SBNO1: variants seen among roughly 807,000 people sequenced by gnomAD.
SBNO1 encodes protein strawberry notch homolog 1.
Under a neutral mutation model 173.6 loss-of-function variants are expected in SBNO1, and 23 were observed. That is an observed-to-expected ratio of 0.13 (90% confidence interval 0.10 to 0.19). The LOEUF is 0.19. Among genes scored for constraint, SBNO1 ranks in the 10% least tolerant of loss-of-function variants. SBNO1 has a pLI of 1.00. For synonymous variants in SBNO1, 632 were observed against 571.5 expected, an observed-to-expected ratio of 1.11 and a Z score of -1.51; for missense variants, 1,238 against 1,671.2, an observed-to-expected ratio of 0.74 and a Z score of 4.52.
At chr12:123,325,824 C>A (rs181830119) in intron 14 of SBNO1, among the ~76,000 whole-genome samples, 1 of 152,120 alleles carries the variant, frequency 6.6e-6, no homozygotes. Flanking sequence ...ATGAGTGAAG[C>A]CCCTGCCCTT....
chr12:123,327,292 C>G (rs1870722264), intron 13 of SBNO1, 134 bp downstream of exon 13: 9 of 746,284 alleles, frequency 1.2e-5, no homozygotes, highest in Non-Finnish European at 2.0e-5. Context: ...GCATGAGACA[C>G]CGTGCCTGGC....
At chr12:123,343,534 C>T (rs1413765719) in intron 4 of SBNO1, among the ~76,000 whole-genome samples, 6 of 149,948 alleles carry the variant, frequency 4.0e-5, no homozygotes, top group African/African-American at 7.3e-5. Flanking sequence ...ATTCACTTAC[C>T]ATCTTTTTTT....
chr12:123,327,856 C>A (rs1469692464), intron 11 of SBNO1, 36 bp downstream of exon 11: 1 of 1,586,770 alleles, frequency 6.3e-7, no homozygotes. Flanking sequence ...GAAAAAATAA[C>A]CTACAATATA....
intron 1 of SBNO1, chr12:123,363,986 CG>C: frequency 1.0e-6 from 1 of 985,498 alleles, no homozygotes. Flanking sequence ...TCTGGATGCT[CG>C]TTATGCCAAA....
rs1439403663 is a variant in SBNO1, at chr12:123,345,386, T to C, written c.422A>G (p.Asn141Ser). The change falls in exon 4 of 32, where the codon AAT becomes AGT. Residue 141 changes from asparagine to serine, a missense_variant. This residue lies in a region of SBNO1 where 287 missense variants were observed against 274.1 expected (regional missense o/e 1.05). Coordinates refer to ENST00000602398, the MANE Select transcript of SBNO1 (RefSeq NM_001167856.3). ...RPSVSAPTVR[N>S]AMTSAPSKDQ... The stretch of plus-strand genomic sequence containing the variant: ...TTTTGAAGGTGCAGAGGTCATGGCA[T>C]TTCGTACTGTTGGTGCTGAGACTGA... The C allele has an allele frequency of 8.1e-6, 13 of 1,614,226 alleles. No homozygotes were observed. The highest frequency in any genetic ancestry group is 1.7e-5 in the Admixed American group (1 of 60,018).
chr12:123,338,073 G>C (rs1416870787), intron 5 of SBNO1, among the ~76,000 whole-genome samples: 2 of 152,130 alleles, frequency 1.3e-5, no homozygotes, highest in African/African-American at 2.4e-5. Flanking sequence ...CACGGTACCT[G>C]GGAAATGTTT....
chr12:123,329,861 G>GT (rs1871011732), intron 9 of SBNO1, among the ~76,000 whole-genome samples: 1 of 152,178 alleles, frequency 6.6e-6, no homozygotes, highest in Admixed American at 6.5e-5. Context: ...TGCATGCATA[G>GT]TAAGTCAATA....
At chr12:123,318,085 C>T (rs1869501881) in intron 20 of SBNO1, among the ~76,000 whole-genome samples, 1 of 152,152 alleles carries the variant, frequency 6.6e-6, no homozygotes, top group Non-Finnish European at 1.5e-5. Flanking sequence ...CCTCAGCCTC[C>T]TCAGTAGCTG....
chr12:123,338,305 C>A (rs530287084), intron 5 of SBNO1, among the ~76,000 whole-genome samples: 1 of 13,832 alleles, frequency 7.2e-5, no homozygotes, highest in Admixed American at 6.2e-4. Context: ...GTAATCCCAG[C>A]ACTTGGGCAA....
intron 17 of SBNO1, 24 bp from the exon 18 acceptor site, chr12:123,320,890 G>T: frequency 6.7e-7 from 1 of 1,493,518 alleles, no homozygotes; most frequent in East Asian, 2.3e-5. Context: ...AAAGATACAT[G>T]TCAAATCATT....
chr12:123,309,335 T>C lies in SBNO1; in HGVS notation c.3605A>G (p.Asp1202Gly), dbSNP rs2048999724. The C allele has an allele frequency of 1.9e-6, 3 of 1,614,092 alleles. No individual in the cohort carries two copies. The highest frequency in any genetic ancestry group is 2.5e-6 in the Non-Finnish European group (3 of 1,179,930). The change falls in exon 28 of 32, where the codon GAC becomes GGC. Residue 1202 changes from aspartate (D) to glycine (G), a missense_variant. Asp to Gly is a moderately conservative substitution (Grantham distance 94, BLOSUM62 -1). Transcript: ENST00000602398. ...TKIWAELTGP[D>G]DGFYLSLQIR... ...TTGCAATGACAAGTAAAAGCCATCG[T>C]CTGGTCCTGTCAGCTCAGCCCAAAT...
rs143013489 is a variant in SBNO1, at chr12:123,294,634, C to CAAAAAAAAAAAAAAAAAAA, written c.*1255_*1273dup. On this transcript the variant is annotated 3_prime_UTR_variant, in exon 32 of 32. Coordinates refer to ENST00000602398, the MANE Select transcript of SBNO1 (RefSeq NM_001167856.3). ...TTTTCAATAGTGCAACCTGTGGAAG[C>CAAAAAAAAAAAAAAAAAAA]AAAAAAAAAAAAAAAAAAAAAAAAA... The CAAAAAAAAAAAAAAAAAAA allele has an allele frequency of 4.3e-4, 26 of 60,026 alleles. No individual in the cohort carries two copies. Among genetic ancestry groups the CAAAAAAAAAAAAAAAAAAA allele is most frequent in the Non-Finnish European group, 5.1e-4 (19 of 36,898 alleles). 3.7% of individuals were successfully genotyped at this position (60,026 alleles called of 1,614,324 possible).
intron 1 of SBNO1, among the ~76,000 whole-genome samples, chr12:123,363,692 G>A (rs1307400486): frequency 6.6e-6 from 1 of 152,046 alleles, no homozygotes; most frequent in Non-Finnish European, 1.5e-5. Context: ...TTTCTGGCCC[G>A]TTCTTTTCCC....
At chr12:123,355,593 G>C (rs992365827) in intron 1 of SBNO1, among the ~76,000 whole-genome samples, 1 of 151,868 alleles carries the variant, frequency 6.6e-6, no homozygotes, top group African/African-American at 2.4e-5. Flanking sequence ...GACAGACCGA[G>C]ACTCCATCTC....
At chr12:123,361,914 G>A (rs1343965936) in intron 1 of SBNO1, among the ~76,000 whole-genome samples, 1 of 151,758 alleles carries the variant, frequency 6.6e-6, no homozygotes, top group Non-Finnish European at 1.5e-5. Flanking sequence ...GCCGAGGCAG[G>A]CGGATCACCA....
intron 4 of SBNO1, 126 bp downstream of exon 4, chr12:123,345,132 C>A: frequency 1.3e-6 from 1 of 767,460 alleles, no homozygotes. Flanking sequence ...ACTGTAAGTA[C>A]GCAAAATAAT....
intron 8 of SBNO1, 121 bp from the exon 9 acceptor site, chr12:123,330,630 C>T (rs1416590193): frequency 2.0e-6 from 1 of 497,464 alleles, no homozygotes; most frequent in East Asian, 3.4e-5. Flanking sequence ...AAAGAAAATA[C>T]ACTTACTCAT....
chr12:123,298,765 A>G (rs922270042), intron 30 of SBNO1, among the ~76,000 whole-genome samples: 1 of 152,138 alleles, frequency 6.6e-6, no homozygotes, highest in Non-Finnish European at 1.5e-5. Context: ...TTTAATATCC[A>G]TTATTTTACT....
chr12:123,297,278 C>T (rs1225406386), intron 31 of SBNO1, among the ~76,000 whole-genome samples: 3 of 130,714 alleles, frequency 2.3e-5, no homozygotes, highest in South Asian at 5.4e-4. Flanking sequence ...TGCAGTGAGC[C>T]GGGAGCACGC....
Sources: gnomAD v4.1 joint callset for allele counts (sites outside exome capture counted in the v4.1 genomes callset) on GRCh38, gnomAD v4.1.1 for gene constraint, gnomAD v4.1.1 regional missense constraint, MANE v1.5 for transcripts, NCBI Gene and HGNC (gene_info 2026-07-23, HGNC 2026-07-21) for gene names.